The following PCDH17 variants were observed in gnomAD, a reference collection of about 807,000 sequenced individuals.
PCDH17 encodes protocadherin-17.
PCDH17 carries 21 observed loss-of-function variants against 67.7 expected under a neutral mutation model. The ratio of observed to expected loss-of-function variants is 0.31; its 90% CI spans 0.22 to 0.45. The LOEUF is 0.45. PCDH17 is among the 20% of genes least tolerant of loss of function. PCDH17 has a pLI of 1.00. For missense variants in PCDH17, 1,471 were observed against 1,564.8 expected (o/e 0.94, Z 1.01); for synonymous variants, 701 against 656.7 (o/e 1.07, Z -1.03).
chr13:57,685,661 G>T (rs1379467721), intron 3 of PCDH17, among the ~76,000 whole-genome samples: 2 of 152,028 alleles, frequency 1.3e-5, no homozygotes, highest in African/African-American at 2.4e-5. Context: ...TATCTTACCT[G>T]TGGGTGTGTG....
chr13:57,717,822 C>T (rs939332835), intron 3 of PCDH17, among the ~76,000 whole-genome samples: 1 of 151,948 alleles, frequency 6.6e-6, no homozygotes, highest in Non-Finnish European at 1.5e-5. Flanking sequence ...GTATACTCCT[C>T]AAAATGTATA....
chr13:57,711,620 G>T (rs1390167034), intron 3 of PCDH17, among the ~76,000 whole-genome samples: 1 of 151,600 alleles, frequency 6.6e-6, no homozygotes, highest in African/African-American at 2.4e-5. Flanking sequence ...GGATAGCAAA[G>T]CTTGCTAATA....
At chr13:57,641,479 G>A (rs1191793667) in intron 1 of PCDH17, among the ~76,000 whole-genome samples, 2 of 144,856 alleles carry the variant, frequency 1.4e-5, no homozygotes, top group African/African-American at 2.5e-5. Flanking sequence ...TTGTGGCTCT[G>A]TGGGTGGCAT....
At chr13:57,718,236 A>G (rs889494001) in intron 3 of PCDH17, among the ~76,000 whole-genome samples, 1 of 152,054 alleles carries the variant, frequency 6.6e-6, no homozygotes, top group African/African-American at 2.4e-5. Context: ...AGGATAAAAT[A>G]AGCTTATTAA....
chr13:57,682,103 C>G (rs1955456794), intron 3 of PCDH17, among the ~76,000 whole-genome samples: 1 of 151,668 alleles, frequency 6.6e-6, no homozygotes, highest in African/African-American at 2.4e-5. Context: ...TTCCTCCATC[C>G]CAAACCTGCC....
At chr13:57,689,344 G>T (rs1197968349) in intron 3 of PCDH17, among the ~76,000 whole-genome samples, 1 of 151,940 alleles carries the variant, frequency 6.6e-6, no homozygotes, top group African/African-American at 2.4e-5. Flanking sequence ...TGAATCGAAA[G>T]CACAAAGTCC....
At chr13:57,638,036 C>A (rs578199573) in intron 1 of PCDH17, among the ~76,000 whole-genome samples, 1 of 151,982 alleles carries the variant, frequency 6.6e-6, no homozygotes, top group African/African-American at 2.4e-5. Context: ...AGTGTTTAAA[C>A]AATAGATTAG....
At chr13:57,647,352 A>G (rs1954977143) in intron 1 of PCDH17, among the ~76,000 whole-genome samples, 1 of 151,798 alleles carries the variant, frequency 6.6e-6, no homozygotes, top group African/African-American at 2.4e-5. Context: ...TTCTAATTCT[A>G]TTATTTTTAT....
chr13:57,720,492 A>G, intron 3 of PCDH17, among the ~76,000 whole-genome samples: 1 of 152,096 alleles, frequency 6.6e-6, no homozygotes, highest in African/African-American at 2.4e-5. Context: ...TTTATTTACA[A>G]TAATAAAATA....
chr13:57,645,540 A>G (rs1426330261), intron 1 of PCDH17, among the ~76,000 whole-genome samples: 1 of 151,514 alleles, frequency 6.6e-6, no homozygotes, highest in African/African-American at 2.4e-5. Flanking sequence ...ATATTTTTAA[A>G]TTTATAGTTA....
chr13:57,634,857 C>T lies in PCDH17; in HGVS notation c.2311C>T (p.Gln771Ter). The T allele has an allele frequency of 6.2e-7, 1 of 1,614,116 alleles. No homozygotes were observed. The highest frequency in any genetic ancestry group is 8.5e-7 in the Non-Finnish European group (1 of 1,180,024). ...KINKNDIMLVQSEVEERNAMN... is the reference protein window; with the variant it reads ...KINKNDIMLV Reference sequence around the variant, plus strand: ...CAACAAAAATGATATCATGCTGGTGCAGAGCGAAGTGGAGGAGAGGAACGC... The same window carrying T: ...CAACAAAAATGATATCATGCTGGTGTAGAGCGAAGTGGAGGAGAGGAACGC... Residue 771 changes from glutamine (Q) to a stop codon, truncating the protein, a stop_gained, in exon 1 of 4, where the codon CAG (glutamine) becomes TAG (stop). Transcript: ENST00000377918. LOFTEE classifies it high-confidence loss of function. This position sits in a 1 kb window ranked among gnomAD's most constrained non-coding sequence, Gnocchi z 7.8.
chr13:57,662,628 C>A (rs1325772763), intron 1 of PCDH17, among the ~76,000 whole-genome samples: 1 of 152,136 alleles, frequency 6.6e-6, no homozygotes, highest in African/African-American at 2.4e-5. Flanking sequence ...TCACTACATG[C>A]TTTCTTTTGA....
At chr13:57,664,049 C>G (rs1284931420) in intron 1 of PCDH17, among the ~76,000 whole-genome samples, 1 of 151,886 alleles carries the variant, frequency 6.6e-6, no homozygotes, top group Non-Finnish European at 1.5e-5. Flanking sequence ...GACAGGTGGG[C>G]GCCACCACAC....
chr13:57,705,114 T>G (rs2138080997), intron 3 of PCDH17, among the ~76,000 whole-genome samples: 1 of 152,080 alleles, frequency 6.6e-6, no homozygotes, highest in African/African-American at 2.4e-5. Flanking sequence ...TGACTTAATA[T>G]TAATATAGAT....
intron 3 of PCDH17, among the ~76,000 whole-genome samples, chr13:57,675,389 A>T (rs775935222): frequency 2.6e-4 from 39 of 151,964 alleles, no homozygotes; most frequent in Non-Finnish European, 2.2e-4. Flanking sequence ...ATAAACAGGT[A>T]TACCACGGAA....
In PCDH17 at chr13:57,726,597, T is replaced by G. The variant is rs889186910; in HGVS notation, c.*1303T>G. Reference sequence around the variant, plus strand: ...GTACATAATCTGTTCAAAATGTGTTTGAGTGAGCTGATGGAGCTAACTGAA... The same window carrying G: ...GTACATAATCTGTTCAAAATGTGTTGGAGTGAGCTGATGGAGCTAACTGAA... On this transcript the variant is annotated 3_prime_UTR_variant, in exon 4 of 4. Coordinates refer to ENST00000377918, the MANE Select transcript of PCDH17 (RefSeq NM_001040429.3). The G allele has an allele frequency of 6.6e-6, 1 of 152,620 alleles. No homozygotes were observed. The highest frequency in any genetic ancestry group is 2.4e-5 in the African/African-American group (1 of 41,446). The allele number at this position is 152,620 out of a possible 1,614,324, so 9.5% of individuals were successfully genotyped here. A position where few individuals can be genotyped will look rare whatever the true frequency, so the allele number is the denominator to read the frequency against.
At position 57,687,126 on chromosome 13, in the gene PCDH17, C is replaced by T. The variant is rs755982878; in HGVS notation, c.2797+20293C>T. Reference sequence around the variant, plus strand: ...TGGCACATCGTGCAATTCTAAATTCCGTTGATAAAATGCAATTTTAGGTAC... The same window carrying T: ...TGGCACATCGTGCAATTCTAAATTCTGTTGATAAAATGCAATTTTAGGTAC... On this transcript the variant is annotated intron_variant, in intron 3 of 3. Coordinates refer to ENST00000377918, the MANE Select transcript of PCDH17 (RefSeq NM_001040429.3). Among the ~76,000 whole-genome samples the T allele has an allele frequency of 4.9e-4, 74 of 151,960 alleles. 1 individual carries two copies. Among genetic ancestry groups the T allele is most frequent in the Non-Finnish European group, 5.3e-4 (36 of 67,956 alleles).
At position 57,632,965 on chromosome 13, in the gene PCDH17, A is replaced by G; in HGVS notation, c.419A>G (p.Asp140Gly). 6.2e-7 allele frequency: 1 copy of G among 1,613,726 alleles called. No homozygotes were observed. The highest frequency in any genetic ancestry group is 1.3e-5 in the African/African-American group (1 of 75,020). ...PSFSSDQIEM[D>G]ISENAAPGTR... ...TTCTCCTCGGACCAGATCGAAATGG[A>G]CATCTCGGAGAACGCTGCTCCGGGC... Residue 140 changes from aspartate (D) to glycine (G), a missense_variant, in exon 1 of 4, where the codon GAC becomes GGC. Physicochemically the swap from Asp to Gly is moderately conservative, Grantham distance 94. This residue lies in a region of PCDH17 where 1,163 missense variants were observed against 1,230.0 expected (regional missense o/e 0.95). Coordinates refer to ENST00000377918, the MANE Select transcript of PCDH17 (RefSeq NM_001040429.3).
intron 3 of PCDH17, among the ~76,000 whole-genome samples, chr13:57,702,824 A>G (rs902843442): frequency 3.3e-5 from 5 of 152,126 alleles, no homozygotes; most frequent in African/African-American, 1.2e-4. Context: ...CACATTCTGA[A>G]CTGCTGCGAC....
Sources: gnomAD v4.1 joint callset for allele counts (sites outside exome capture counted in the v4.1 genomes callset) on GRCh38, gnomAD v4.1.1 for gene constraint, gnomAD v4.1.1 regional missense constraint, Gnocchi (gnomAD v3.1) non-coding constraint, MANE v1.5 for transcripts, NCBI Gene and HGNC (gene_info 2026-07-23, HGNC 2026-07-21) for gene names.